Variants in CHDH observed in about 807,000 individuals in gnomAD.
CHDH encodes choline dehydrogenase, mitochondrial.
A neutral mutation model predicts 56.9 loss-of-function variants in CHDH; 43 were observed. That is an observed-to-expected ratio of 0.76 (90% CI 0.59 to 0.97). CHDH has a LOEUF of 0.97. Ranked by LOEUF, CHDH falls within the 50% of genes least tolerant of loss-of-function variation. The pLI is 0.00. For synonymous variants in CHDH, 364 were observed against 348.5 expected, an observed-to-expected ratio of 1.04 and a Z score of -0.50; for missense variants, 816 against 821.1, an observed-to-expected ratio of 0.99 and a Z score of 0.08.
intron 1 of CHDH, among the ~76,000 whole-genome samples, chr3:53,844,425 C>T (rs2289206): frequency 0.48 from 72,981 of 152,032 alleles, 20,722 homozygotes; most frequent in Non-Finnish European, 0.64. Context: ...CCCATCTGAC[C>T]CCATGAGCTC....
At chr3:53,835,721 C>G (rs1473165363) in intron 2 of CHDH, among the ~76,000 whole-genome samples, 1 of 152,150 alleles carries the variant, frequency 6.6e-6, no homozygotes, top group Non-Finnish European at 1.5e-5. Flanking sequence ...AACCATGGGA[C>G]CAAACTGAGT....
intron 2 of CHDH, among the ~76,000 whole-genome samples, chr3:53,829,314 G>C (rs1007481061): frequency 6.6e-5 from 10 of 152,164 alleles, no homozygotes; most frequent in African/African-American, 2.4e-4. Context: ...TACAGTGGTG[G>C]ATACAGGTCA....
chr3:53,823,655 G>T lies in CHDH; in HGVS notation c.354C>A (p.Arg118=), dbSNP rs1191694878. The T allele has an allele frequency of 6.5e-7, 1 of 1,545,522 alleles. No homozygotes were observed. The highest frequency in any genetic ancestry group is 2.2e-4 in the Middle Eastern group (1 of 4,492). The change falls in exon 3 of 9, where the codon CGC becomes CGA. Residue 118 remains arginine (R), a synonymous_variant. Transcript: ENST00000315251. ...CGCGGCCGCGTGGCCAGTACAGCAC[G>T]CGGCCGTCCAGGCCCCGCTGCACCT... is the stretch of plus-strand genomic sequence containing the variant. The part of the protein sequence containing the change: ...HTEVQRGLDG[R]VLYWPRGRVW...
At chr3:53,845,693 G>C (rs866469385) in intron 1 of CHDH, among the ~76,000 whole-genome samples, 1 of 152,138 alleles carries the variant, frequency 6.6e-6, no homozygotes, top group South Asian at 2.1e-4. Context: ...TCTCATTTTA[G>C]GCGGCGCTAG....
chr3:53,823,593 T>TA lies in CHDH; in HGVS notation c.415dup (p.Tyr139LeufsTer96), dbSNP rs1559752435. On this transcript the variant is annotated frameshift_variant, in exon 3 of 9. Coordinates refer to ENST00000315251, the MANE Select transcript of CHDH (RefSeq NM_018397.5). LOFTEE classifies it high-confidence loss of function. ...GTAGTCCTCGGCGTGCCCACGGACG[T>TA]AGACCATGGCATTGAGGGATGAGGA... is the stretch of plus-strand genomic sequence containing the variant. 4 of 1,543,860 alleles carry TA rather than the reference T, an allele frequency of 2.6e-6. No individual in the cohort carries two copies. The East Asian group carries it at 9.8e-5, about 38-fold the overall frequency.
At chr3:53,824,514 C>T (rs7626693) in intron 2 of CHDH, among the ~76,000 whole-genome samples, 63,975 of 152,162 alleles carry the variant, frequency 0.42, 15,727 homozygotes, top group South Asian at 0.58. Context: ...GACATCTGCT[C>T]TCAAAACGGA....
intron 2 of CHDH, among the ~76,000 whole-genome samples, chr3:53,839,281 A>C (rs1698600545): frequency 1.3e-5 from 2 of 152,254 alleles, no homozygotes; most frequent in African/African-American, 4.8e-5. Flanking sequence ...CCACCGACTC[A>C]CAAGAAACGC....
chr3:53,831,782 T>C (rs113004426), intron 2 of CHDH, among the ~76,000 whole-genome samples: 10 of 152,266 alleles, frequency 6.6e-5, no homozygotes, highest in African/African-American at 2.2e-4. Context: ...CATGAAAAGA[T>C]GCTCAACATC....
chr3:53,834,875 AGAG>A (rs1051943065), intron 2 of CHDH, among the ~76,000 whole-genome samples: 11 of 152,340 alleles, frequency 7.2e-5, no homozygotes, highest in Middle Eastern at 3.4e-3. Context: ...TGGTCACCCA[AGAG>A]GAGAAGACAG....
chr3:53,829,524 G>A (rs566379353), intron 2 of CHDH, among the ~76,000 whole-genome samples: 26 of 152,138 alleles, frequency 1.7e-4, no homozygotes, highest in African/African-American at 6.0e-4. Flanking sequence ...CCCTCCTCTC[G>A]ATTTTGCTGT....
chr3:53,819,813 T>G lies in CHDH; in HGVS notation c.1121-139A>C, dbSNP rs1433049944. The stretch of plus-strand genomic sequence containing the variant: ...CACTCTAGTGCCTGGACCCAAGTCC[T>G]GTCCACATCTGTTCACCCCTCACAG... On this transcript the variant is annotated intron_variant, in intron 6 of 8. Transcript: ENST00000315251. The surrounding 1 kb of genome is among the most constrained non-coding windows in gnomAD (Gnocchi z 5.4). 1.0e-6 allele frequency: 1 copy of G among 989,448 alleles called. No homozygotes were observed. Among genetic ancestry groups the G allele is most frequent in the East Asian group, 2.8e-5 (1 of 35,416 alleles). 61.3% of individuals were successfully genotyped at this position (989,448 alleles called of 1,614,324 possible). A position where few individuals can be genotyped will look rare whatever the true frequency, so the allele number is the denominator to read the frequency against.
Position 53,815,676 on chromosome 3 carries a change from G to A in CHDH, c.*2101C>T, listed in dbSNP as rs1341373141. ...TGGTCTCAGACACTGACACACCCATGGGACACAGAGATGGTAGAACTAAGT... is the reference window on the plus strand; with the variant it reads ...TGGTCTCAGACACTGACACACCCATAGGACACAGAGATGGTAGAACTAAGT... On this transcript the variant is annotated 3_prime_UTR_variant, in exon 9 of 9. Coordinates refer to ENST00000315251, the MANE Select transcript of CHDH (RefSeq NM_018397.5). 1 of 152,200 alleles carries A rather than the reference G, an allele frequency of 6.6e-6. No homozygotes were observed. Among genetic ancestry groups the A allele is most frequent in the Non-Finnish European group, 1.5e-5 (1 of 68,088 alleles). 9.4% of individuals were successfully genotyped at this position (152,200 alleles called of 1,614,324 possible).
chr3:53,834,906 G>C (rs62250936), intron 2 of CHDH, among the ~76,000 whole-genome samples: 4,919 of 152,282 alleles, frequency 0.032, 97 homozygotes, highest in South Asian at 0.086. Context: ...GAGAGAGGCC[G>C]AGCCACACCA....
chr3:53,842,920 G>C (rs1698719071), intron 1 of CHDH, among the ~76,000 whole-genome samples: 1 of 152,182 alleles, frequency 6.6e-6, no homozygotes, highest in South Asian at 2.1e-4. Flanking sequence ...GGCCCTGGGA[G>C]ACAGCCAGTA....
chr3:53,823,826 C>A lies in CHDH; in HGVS notation c.183G>T (p.Glu61Asp). 1 of 1,585,290 alleles carries A rather than the reference C, an allele frequency of 6.3e-7. No homozygotes were observed. The highest frequency in any genetic ancestry group is 2.3e-5 in the East Asian group (1 of 43,410). ...GCAGCAGCACGCGCTCGGCGGGGTC[C>A]TCCGTGAGCCTCCCAGCCAGCACGC... ...AGCVLAGRLT[E>D]DPAERVLLLE... is the part of the protein sequence containing the mutation. Residue 61 changes from glutamate to aspartate, a missense_variant, in exon 3 of 9, where the codon GAG becomes GAT. Physicochemically the swap from Glu to Asp is conservative, Grantham distance 45. Transcript: ENST00000315251.
intron 1 of CHDH, among the ~76,000 whole-genome samples, chr3:53,841,435 C>A (rs929366919): frequency 2.0e-5 from 3 of 152,180 alleles, no homozygotes; most frequent in African/African-American, 7.2e-5. Context: ...ACAAGCAGAG[C>A]CACTTCCAGC....
Position 53,817,819 on chromosome 3 carries a change from A to ATCTT in CHDH, c.1739_1742dup (p.Asp581GlufsTer45), listed in dbSNP as rs1275899493. 4 of 1,613,408 alleles carry ATCTT rather than the reference A, an allele frequency of 2.5e-6. No individual in the cohort carries two copies. Among genetic ancestry groups the ATCTT allele is most frequent in the Non-Finnish European group, 3.4e-6 (4 of 1,179,636 alleles). ...GCGTCCTGGGCTTGTAGACAGGGAC[A>ATCTT]TCTTTGTCCCAGAGTGCAGGCTGCC... On this transcript the variant is annotated frameshift_variant, in exon 9 of 9. Transcript: ENST00000315251. LOFTEE classifies it high-confidence loss of function.
At chr3:53,832,350 T>G (rs1048374518) in intron 2 of CHDH, among the ~76,000 whole-genome samples, 1 of 151,994 alleles carries the variant, frequency 6.6e-6, no homozygotes, top group Non-Finnish European at 1.5e-5. Flanking sequence ...GATAACATGG[T>G]GAAACCCCAT....
At chr3:53,836,463 T>C (rs1559761337) in intron 2 of CHDH, among the ~76,000 whole-genome samples, 7 of 152,226 alleles carry the variant, frequency 4.6e-5, no homozygotes. Flanking sequence ...GTACAGGTGC[T>C]AACCTCCTTT....
Sources: gnomAD v4.1 joint callset for allele counts (sites outside exome capture counted in the v4.1 genomes callset) on GRCh38, gnomAD v4.1.1 for gene constraint, Gnocchi (gnomAD v3.1) non-coding constraint, MANE v1.5 for transcripts, NCBI Gene and HGNC (gene_info 2026-07-23, HGNC 2026-07-21) for gene names.